Variants in NUP50 observed in about 807,000 individuals in gnomAD.
The protein encoded by NUP50 is nucleoporin 50, also known as nuclear pore complex protein Nup50.
NUP50 carries 14 observed loss-of-function variants against 36.8 expected under a neutral mutation model. The ratio of observed to expected loss-of-function variants is 0.38; its 90% CI spans 0.25 to 0.59. The LOEUF is 0.59. NUP50 is among the 20% of genes least tolerant of loss of function. The probability of loss-of-function intolerance (pLI) is 0.63; values close to 1 mark genes in which losing one functional copy is unlikely to be tolerated. For missense variants in NUP50, 455 were observed against 564.6 expected (o/e 0.81, Z 1.97); for synonymous variants, 195 against 210.8 (o/e 0.93, Z 0.65).
Position 45,171,699 on chromosome 22 carries a change from C to T in NUP50, c.153+16C>T. 1.9e-6 allele frequency: 3 copies of T among 1,605,926 alleles called. No individual in the cohort carries two copies. Among genetic ancestry groups the T allele is most frequent in the African/African-American group, 1.3e-5 (1 of 74,818 alleles). On this transcript the variant is annotated intron_variant, in intron 3 of 7. Transcript: ENST00000347635. The stretch of plus-strand genomic sequence containing the variant: ...TGGATTTGAAGTGAGTGCCCCCTTA[C>T]AGCTCTTGCTATTAAATACTCATTT...
chr22:45,182,314 G>A lies in NUP50; in HGVS notation c.1085+947G>A, dbSNP rs926764088. Among the ~76,000 whole-genome samples, 8 of 152,192 alleles carry A rather than the reference G, an allele frequency of 5.3e-5. No homozygotes were observed. In the South Asian group the frequency reaches 6.2e-4, roughly 12 times the overall value. The stretch of plus-strand genomic sequence containing the variant: ...AAATTAGCCTAATGTGGTGGCGCAC[G>A]CCTGTAATCCCAGCTGTTTGGGAGG... On this transcript the variant is annotated intron_variant, in intron 6 of 7. Transcript: ENST00000347635.
chr22:45,175,712 G>A (rs1410988600), intron 3 of NUP50, 182 bp from the exon 4 acceptor site: 1 of 541,816 alleles, frequency 1.8e-6, no homozygotes, highest in African/African-American at 1.9e-5. Context: ...TTGCAAAGCT[G>A]TTCTTATGAA....
chr22:45,181,388 C>T (rs753533833), intron 6 of NUP50, 21 bp downstream of exon 6: 2 of 1,516,366 alleles, frequency 1.3e-6, no homozygotes, highest in Non-Finnish European at 1.8e-6. Context: ...CCACAACCTG[C>T]TGGCGCATGT....
intron 4 of NUP50, among the ~76,000 whole-genome samples, chr22:45,176,806 G>A (rs568331441): frequency 2.1e-4 from 32 of 152,170 alleles, no homozygotes; most frequent in Admixed American, 1.8e-3. Context: ...GCAGTGGCGC[G>A]ACCTCTGCTC....
chr22:45,171,454 T>G (rs1419540952), intron 2 of NUP50, 146 bp from the exon 3 acceptor site: 4 of 728,206 alleles, frequency 5.5e-6, no homozygotes, highest in African/African-American at 1.8e-5. Context: ...AGCGCTAGTA[T>G]TATAGGCGCA....
rs1287187637 is a variant in NUP50, at chr22:45,186,380, C to G, written c.*1725C>G. 6.6e-6 allele frequency: 1 copy of G among 152,182 alleles called. No individual in the cohort carries two copies. The highest frequency in any genetic ancestry group is 2.4e-5 in the African/African-American group (1 of 41,426). The allele number at this position is 152,182 out of a possible 1,614,324, so 9.4% of individuals were successfully genotyped here. On this transcript the variant is annotated 3_prime_UTR_variant, in exon 8 of 8. Transcript: ENST00000347635. ...AAGCAAGCGGTTGATGCTGTTAATA[C>G]CGGCCCCACCCGATTGACATTAAGT...
Position 45,185,575 on chromosome 22 carries a change from C to A in NUP50, c.*920C>A, listed in dbSNP as rs192977501. ...AGTGACGTGCCTGGGAGCTTTGACA[C>A]ACGAGCCGTGTGAATTCACTAGGAA... On this transcript the variant is annotated 3_prime_UTR_variant, in exon 8 of 8. Coordinates refer to ENST00000347635, the MANE Select transcript of NUP50 (RefSeq NM_007172.4). 6.6e-6 allele frequency: 1 copy of A among 152,202 alleles called. No individual in the cohort carries two copies. Among genetic ancestry groups the A allele is most frequent in the African/African-American group, 2.4e-5 (1 of 41,536 alleles). 9.4% of individuals were successfully genotyped at this position (152,202 alleles called of 1,614,324 possible). A position where few individuals can be genotyped will look rare whatever the true frequency, so the allele number is the denominator to read the frequency against.
chr22:45,170,899 G>C (rs1299615254), intron 2 of NUP50: 1 of 958,868 alleles, frequency 1.0e-6, no homozygotes, highest in Non-Finnish European at 1.4e-6. Context: ...TCCCCTCTAT[G>C]AGTGTAGGAG....
intron 6 of NUP50, among the ~76,000 whole-genome samples, chr22:45,183,106 G>C (rs1601791382): frequency 6.8e-6 from 1 of 147,722 alleles, no homozygotes; most frequent in Non-Finnish European, 1.5e-5. Flanking sequence ...GGGGGTTGGT[G>C]TTGAGCCCTG....
intron 3 of NUP50, among the ~76,000 whole-genome samples, chr22:45,172,682 T>C (rs1458743001): frequency 6.6e-6 from 1 of 152,182 alleles, no homozygotes; most frequent in African/African-American, 2.4e-5. Flanking sequence ...TACAAAAATA[T>C]TCATTACATT....
In NUP50 at chr22:45,187,261, A is replaced by G. The variant is rs567813443; in HGVS notation, c.*2606A>G. On this transcript the variant is annotated 3_prime_UTR_variant, in exon 8 of 8. Coordinates refer to ENST00000347635, the MANE Select transcript of NUP50 (RefSeq NM_007172.4). Reference sequence around the variant, plus strand: ...TTTGTTATGCCATCTTCATTATTCGAATTACAGACTGAAAAAATATGGCCA... The same window carrying G: ...TTTGTTATGCCATCTTCATTATTCGGATTACAGACTGAAAAAATATGGCCA... 90 of 151,040 alleles carry G rather than the reference A, an allele frequency of 6.0e-4. No homozygotes were observed. The highest frequency in any genetic ancestry group is 2.1e-3 in the African/African-American group (87 of 41,106). 9.4% of individuals were successfully genotyped at this position (151,040 alleles called of 1,614,324 possible). A position where few individuals can be genotyped will look rare whatever the true frequency, so the allele number is the denominator to read the frequency against.
chr22:45,170,303 T>C lies in NUP50; in HGVS notation c.70-1297T>C, dbSNP rs185744760. 1.7e-3 allele frequency among the ~76,000 whole-genome samples: 260 copies of C among 151,608 alleles called. 3 individuals carry two copies. Among genetic ancestry groups the C allele is most frequent in the African/African-American group, 5.9e-3 (245 of 41,272 alleles). On this transcript the variant is annotated intron_variant, in intron 2 of 7. Coordinates refer to ENST00000347635, the MANE Select transcript of NUP50 (RefSeq NM_007172.4). ...TCTTTATCTCTTTGTCTTGTGTCTT[T>C]ATTTCTTACAATCTCTGTTTCCCCC...
At chr22:45,179,687 C>A (rs2074335343) in intron 5 of NUP50, among the ~76,000 whole-genome samples, 1 of 152,156 alleles carries the variant, frequency 6.6e-6, no homozygotes, top group Admixed American at 6.5e-5. Context: ...GAGTTTGAGA[C>A]CAGCCTGGGC....
chr22:45,181,260 C>T, intron 5 of NUP50, 26 bp from the exon 6 acceptor site: 2 of 1,520,414 alleles, frequency 1.3e-6, no homozygotes, highest in Non-Finnish European at 1.8e-6. Flanking sequence ...TGGAATCTTA[C>T]TGAATTATTG....
intron 2 of NUP50, 32 bp from the exon 3 acceptor site, chr22:45,171,568 C>T: frequency 1.3e-6 from 2 of 1,582,048 alleles, no homozygotes; most frequent in South Asian, 1.1e-5. Flanking sequence ...TTGGCTTTAT[C>T]TTACTGCTGC....
chr22:45,168,723 T>A (rs1223019628), intron 2 of NUP50, among the ~76,000 whole-genome samples: 1 of 152,024 alleles, frequency 6.6e-6, no homozygotes, highest in East Asian at 1.9e-4. Flanking sequence ...TATTTCCTTT[T>A]CTTAATGGTA....
At chr22:45,181,487 GCTCTC>G in intron 6 of NUP50, 120 bp downstream of exon 6, 1 of 474,318 alleles carries the variant, frequency 2.1e-6, no homozygotes, top group Non-Finnish European at 3.8e-6. Context: ...AGCTTTGCCT[GCTCTC>G]AAGTGGAACA....
Position 45,187,214 on chromosome 22 carries a change from G to A in NUP50, c.*2559G>A, listed in dbSNP as rs1601797978. The A allele has an allele frequency of 7.1e-6, 1 of 139,934 alleles. No homozygotes were observed. Among genetic ancestry groups the A allele is most frequent in the Non-Finnish European group, 1.5e-5 (1 of 66,018 alleles). 8.7% of individuals were successfully genotyped at this position (139,934 alleles called of 1,614,324 possible). A position where few individuals can be genotyped will look rare whatever the true frequency, so the allele number is the denominator to read the frequency against. Reference sequence around the variant, plus strand: ...CTGTGTATCCATCTCATCCTTTTGCGCATTCCTAGTAAGCAAAAAAATTTG... The same window carrying A: ...CTGTGTATCCATCTCATCCTTTTGCACATTCCTAGTAAGCAAAAAAATTTG... On this transcript the variant is annotated 3_prime_UTR_variant, in exon 8 of 8. Coordinates refer to ENST00000347635, the MANE Select transcript of NUP50 (RefSeq NM_007172.4).
chr22:45,176,629 T>A (rs2074280781), intron 4 of NUP50, among the ~76,000 whole-genome samples: 1 of 152,222 alleles, frequency 6.6e-6, no homozygotes, highest in Non-Finnish European at 1.5e-5. Flanking sequence ...TTGGAAATGA[T>A]CCTGACTGGT....
Sources: gnomAD v4.1 joint callset for allele counts (sites outside exome capture counted in the v4.1 genomes callset) on GRCh38, gnomAD v4.1.1 for gene constraint, MANE v1.5 for transcripts, NCBI Gene and HGNC (gene_info 2026-07-23, HGNC 2026-07-21) for gene names.